Variants in POLA1 observed in about 807,000 individuals in gnomAD.
POLA1 encodes the protein DNA polymerase alpha catalytic subunit.
POLA1 carries 15 observed loss-of-function variants against 124.0 expected under a neutral mutation model. The ratio of observed to expected loss-of-function variants is 0.12; its 90% CI spans 0.08 to 0.19. The LOEUF (loss-of-function observed/expected upper bound fraction) is 0.19, where lower values mean the gene tolerates loss of function less well. Ranked by LOEUF, POLA1 falls within the 10% of genes least tolerant of loss-of-function variation. The pLI is 1.00. For missense variants in POLA1, 886 were observed against 1,103.4 expected (o/e 0.80, Z 2.79); for synonymous variants, 408 against 389.4 (o/e 1.05, Z -0.56).
intron 36 of POLA1, among the ~76,000 whole-genome samples, chrX:24,951,870 G>A (rs1376570549): frequency 9.0e-6 from 1 of 111,384 alleles, no homozygotes; most frequent in African/African-American, 3.3e-5. Flanking sequence ...AGAAATGTGG[G>A]GATTTGAATC....
chrX:24,940,198 G>A (rs2047895834), intron 36 of POLA1, among the ~76,000 whole-genome samples: 1 of 111,704 alleles, frequency 9.0e-6, no homozygotes, highest in South Asian at 3.8e-4. Context: ...ATAAAGCTAT[G>A]ATGCCTTTAC....
Position 24,817,935 on chromosome X carries a change from A to ATT in POLA1, c.3429+2846_3429+2847dup, listed in dbSNP as rs747221901. Among the ~76,000 whole-genome samples, 147 of 81,409 alleles carry ATT rather than the reference A, an allele frequency of 1.8e-3. 1 individual carries two copies. The highest frequency in any genetic ancestry group is 5.2e-3 in the African/African-American group (111 of 21,226). 70.7% of individuals were successfully genotyped at this position (81,409 alleles called of 115,157 possible). ...TGGTTGTGGATGGTCTCATGACAAT[A>ATT]TTTTTTTTTTTTTTTTTTTTTTTAG... On this transcript the variant is annotated intron_variant, in intron 30 of 36. Coordinates refer to ENST00000379068, the MANE Select transcript of POLA1 (RefSeq NM_001330360.2).
intron 36 of POLA1, among the ~76,000 whole-genome samples, chrX:24,955,225 G>A (rs771561379): frequency 2.3e-4 from 24 of 106,292 alleles, no homozygotes; most frequent in East Asian, 1.8e-3. Flanking sequence ...GTGCAGTGGC[G>A]CAAGCACTGC....
intron 25 of POLA1, 148 bp from the exon 26 acceptor site, chrX:24,748,722 C>G (rs1214080308): frequency 1.6e-6 from 1 of 615,944 alleles, no homozygotes; most frequent in Non-Finnish European, 2.5e-6. Context: ...AATCATGGAT[C>G]CAGGAGAATG....
At chrX:24,731,927 T>A (rs146970021) in intron 15 of POLA1, among the ~76,000 whole-genome samples, 1,509 of 112,038 alleles carry the variant, frequency 0.013, 13 homozygotes, top group Non-Finnish European at 0.021. Flanking sequence ...TTTTAATGTG[T>A]TTACATATTT....
intron 36 of POLA1, among the ~76,000 whole-genome samples, chrX:24,934,195 TAAA>T (rs1410460013): frequency 3.6e-5 from 4 of 112,417 alleles, no homozygotes; most frequent in Non-Finnish European, 7.5e-5. Flanking sequence ...TAAATCTCCT[TAAA>T]AATGCAGGAA....
chrX:24,956,866 TAAGAA>T (rs1262023990), intron 36 of POLA1, among the ~76,000 whole-genome samples: 3 of 112,187 alleles, frequency 2.7e-5, no homozygotes, highest in Non-Finnish European at 3.8e-5. Flanking sequence ...AGTATGAAAC[TAAGAA>T]AATAGGCAGT....
chrX:24,794,178 C>G (rs913253156), intron 26 of POLA1, among the ~76,000 whole-genome samples: 9 of 110,845 alleles, frequency 8.1e-5, no homozygotes, highest in Non-Finnish European at 1.7e-4. Context: ...GGTGTTTCAC[C>G]ATGTTGGCCA....
chrX:24,990,324 T>C (rs1336621108), intron 36 of POLA1, among the ~76,000 whole-genome samples: 2 of 112,429 alleles, frequency 1.8e-5, no homozygotes, highest in Non-Finnish European at 3.8e-5. Context: ...TGTAATGTAA[T>C]TGTGTTGCAT....
chrX:24,996,025 A>C lies in POLA1; in HGVS notation c.*75A>C. 1 of 925,826 alleles carries C rather than the reference A, an allele frequency of 1.1e-6. No homozygotes were observed. The highest frequency in any genetic ancestry group is 1.5e-6 in the Non-Finnish European group (1 of 652,488). The allele number at this position is 925,826 out of a possible 1,213,427, so 76.3% of individuals were successfully genotyped here. The stretch of plus-strand genomic sequence containing the variant: ...CCTCTGTGCCTCCACTCTGGCCCTA[A>C]ATGCTCCTCCAGCATCTGTTTCTCC... On this transcript the variant is annotated 3_prime_UTR_variant, in exon 37 of 37. Coordinates refer to ENST00000379068, the MANE Select transcript of POLA1 (RefSeq NM_001330360.2).
intron 26 of POLA1, among the ~76,000 whole-genome samples, chrX:24,795,132 C>T (rs1415733912): frequency 9.0e-6 from 1 of 110,763 alleles, no homozygotes; most frequent in Admixed American, 9.7e-5. Context: ...GAAACTTGAT[C>T]GTTGAGAGCG....
At chrX:24,982,952 A>G (rs1380484345) in intron 36 of POLA1, among the ~76,000 whole-genome samples, 1 of 112,322 alleles carries the variant, frequency 8.9e-6, no homozygotes, top group East Asian at 2.8e-4. Flanking sequence ...ACATTTTAAA[A>G]ATTATATAAA....
intron 36 of POLA1, among the ~76,000 whole-genome samples, chrX:24,991,437 A>G (rs113936842): frequency 2.8e-4 from 31 of 112,622 alleles, no homozygotes; most frequent in Non-Finnish European, 5.6e-4. Context: ...ATTCTTGTCT[A>G]TAGAAGTGGC....
chrX:24,972,072 G>A (rs751379280), intron 36 of POLA1, among the ~76,000 whole-genome samples: 4 of 110,099 alleles, frequency 3.6e-5, no homozygotes, highest in East Asian at 2.8e-4. Context: ...AGGTTCAAGC[G>A]ATTCTCCTGC....
chrX:24,829,068 A>G (rs1247414624), intron 32 of POLA1, among the ~76,000 whole-genome samples: 1 of 111,322 alleles, frequency 9.0e-6, no homozygotes, highest in Non-Finnish European at 1.9e-5. Flanking sequence ...CAGAAGTTTC[A>G]TGTTTTATCT....
rs1183480634 is a variant in POLA1 at position 24,810,812 on chromosome X, T to G, written c.3090+12T>G. On this transcript the variant is annotated intron_variant, in intron 28 of 36. Transcript: ENST00000379068. ...AGTTGGGAAACAAGGTGAGATAATT[T>G]TATGAAATTATCTGCTTTACCTATT... 1.2e-6 allele frequency: 1 copy of G among 836,316 alleles called. No homozygotes were observed. Among genetic ancestry groups the G allele is most frequent in the Non-Finnish European group, 1.8e-6 (1 of 568,364 alleles). 68.9% of individuals were successfully genotyped at this position (836,316 alleles called of 1,213,427 possible).
chrX:24,781,762 G>A (rs1285902512), intron 26 of POLA1, among the ~76,000 whole-genome samples: 2 of 111,295 alleles, frequency 1.8e-5, no homozygotes, highest in Non-Finnish European at 3.8e-5. Flanking sequence ...TAAAAACAAA[G>A]CATTTCTAAT....
intron 34 of POLA1, among the ~76,000 whole-genome samples, chrX:24,873,388 C>A (rs1365634700): frequency 8.9e-6 from 1 of 111,957 alleles, no homozygotes; most frequent in Non-Finnish European, 1.9e-5. Flanking sequence ...ACAGTCCTTA[C>A]AGATATTATC....
intron 35 of POLA1, among the ~76,000 whole-genome samples, chrX:24,912,866 C>T (rs753799347): frequency 8.9e-6 from 1 of 112,396 alleles, no homozygotes; most frequent in South Asian, 3.7e-4. Context: ...ATACCAAAAG[C>T]TGGCGCAGAT....
Sources: allele counts gnomAD v4.1 joint callset (sites outside exome capture counted in the v4.1 genomes callset), GRCh38; gene constraint gnomAD v4.1.1; transcripts MANE v1.5; gene names NCBI Gene and HGNC (gene_info 2026-07-23, HGNC 2026-07-21).